SHE: variants seen among roughly 807,000 people sequenced by gnomAD.
The protein encoded by SHE is Src homology 2 domain containing E.
A neutral mutation model predicts 49.8 loss-of-function variants in SHE; 11 were observed. The ratio of observed to expected loss-of-function variants is 0.22; its 90% confidence interval spans 0.14 to 0.37. SHE has a LOEUF of 0.37. SHE is among the 10% of genes least tolerant of loss of function. SHE has a pLI of 1.00. For missense variants in SHE, 624 were observed against 655.5 expected, an observed-to-expected ratio of 0.95 and a Z score of 0.52; for synonymous variants, 310 against 278.1, an observed-to-expected ratio of 1.11 and a Z score of -1.14.
chr1:154,481,272 G>T lies in SHE; in HGVS notation c.*2877C>A. 2.0e-6 allele frequency: 2 copies of T among 985,386 alleles called. No homozygotes were observed. The highest frequency in any genetic ancestry group is 2.4e-6 in the Non-Finnish European group (2 of 829,932). 61.0% of individuals were successfully genotyped at this position (985,386 alleles called of 1,614,324 possible). ...TTGTCAGCTTGTGTCACAACCTCAA[G>T]AAGAAAATAGCTCACTAACGCCCCC... On this transcript the variant is annotated 3_prime_UTR_variant, in exon 6 of 6. Transcript: ENST00000304760.
chr1:154,488,086 G>A (rs564145451), intron 3 of SHE, among the ~76,000 whole-genome samples: 4 of 150,480 alleles, frequency 2.7e-5, no homozygotes, highest in Admixed American at 2.0e-4. Context: ...GGGACTACAG[G>A]TGCGTGCCAC....
chr1:154,482,703 G>C lies in SHE; in HGVS notation c.*1446C>G, dbSNP rs1318883268. The C allele has an allele frequency of 1.0e-6, 1 of 985,176 alleles. No homozygotes were observed. Among genetic ancestry groups the C allele is most frequent in the Non-Finnish European group, 1.2e-6 (1 of 829,908 alleles). The allele number at this position is 985,176 out of a possible 1,614,324, so 61.0% of individuals were successfully genotyped here. A position where few individuals can be genotyped will look rare whatever the true frequency, so the allele number is the denominator to read the frequency against. ...TGCCATTCCCATGGTTTTTTTCACAGTAAATAAACTGGTGATATAAGCTCA... is the reference window on the plus strand; with the variant it reads ...TGCCATTCCCATGGTTTTTTTCACACTAAATAAACTGGTGATATAAGCTCA... On this transcript the variant is annotated 3_prime_UTR_variant, in exon 6 of 6. Transcript: ENST00000304760.
downstream of SHE, among the ~76,000 whole-genome samples, chr1:154,478,540 G>A (rs1472682739): frequency 6.6e-6 from 1 of 151,424 alleles, no homozygotes; most frequent in East Asian, 1.9e-4. Context: ...AAGCACCCGT[G>A]TTTTTATCTG....
chr1:154,487,517 A>G (rs550304678), intron 3 of SHE, among the ~76,000 whole-genome samples: 1 of 152,112 alleles, frequency 6.6e-6, no homozygotes, highest in African/African-American at 2.4e-5. Flanking sequence ...CACCTGGCAC[A>G]GGACTGAGCA....
At chr1:154,478,228 G>T (rs959454555), downstream of SHE, among the ~76,000 whole-genome samples, 2 of 152,040 alleles carry the variant, frequency 1.3e-5, no homozygotes, top group African/African-American at 2.4e-5. Flanking sequence ...TCAAGGAGCC[G>T]GAATGAAGCG....
chr1:154,482,349 G>A lies in SHE; in HGVS notation c.*1800C>T. On this transcript the variant is annotated 3_prime_UTR_variant, in exon 6 of 6. Coordinates refer to ENST00000304760, the MANE Select transcript of SHE (RefSeq NM_001010846.3). The stretch of plus-strand genomic sequence containing the variant: ...ATTAATAAAATCATTGTGTTCCAGT[G>A]AGGAAAAGTTCCTCTTAAATTTTTA... The A allele has an allele frequency of 1.0e-6, 1 of 985,282 alleles. No individual in the cohort carries two copies. The highest frequency in any genetic ancestry group is 1.2e-6 in the Non-Finnish European group (1 of 829,910). The allele number at this position is 985,282 out of a possible 1,614,324, so 61.0% of individuals were successfully genotyped here. A position where few individuals can be genotyped will look rare whatever the true frequency, so the allele number is the denominator to read the frequency against.
chr1:154,492,230 G>A (rs1205497010), intron 2 of SHE, among the ~76,000 whole-genome samples: 1 of 151,916 alleles, frequency 6.6e-6, no homozygotes, highest in African/African-American at 2.4e-5. Context: ...AATCACCCGC[G>A]GGCTTTCACA....
downstream of SHE, among the ~76,000 whole-genome samples, chr1:154,478,946 C>G (rs1426702850): frequency 2.6e-5 from 4 of 152,208 alleles, no homozygotes; most frequent in Non-Finnish European, 5.9e-5. Context: ...TTTTTGATAG[C>G]AGACTCAACA....
At chr1:154,490,919 T>G (rs1329356457) in intron 2 of SHE, among the ~76,000 whole-genome samples, 1 of 151,474 alleles carries the variant, frequency 6.6e-6, no homozygotes, top group African/African-American at 2.4e-5. Context: ...TAAAAATAGA[T>G]GGAAAAAACC....
rs1692752126 is a variant in SHE at position 154,501,602 on chromosome 1, G to C, written c.425C>G (p.Thr142Ser). Residue 142 changes from threonine (T) to serine (S), a missense_variant, in exon 1 of 6, where the codon ACC becomes AGC. By Grantham distance (58) the Thr-to-Ser change is moderately conservative. Transcript: ENST00000304760. ...RGATKSSGCSTYINRLIKVDT... is the reference protein window; with the variant it reads ...RGATKSSGCSSYINRLIKVDT... Reference sequence around the variant, plus strand: ...CACCTTGATGAGCCTGTTGATGTAGGTGCTGCAGCCCGAGCTCTTGGTTGC... The same window carrying C: ...CACCTTGATGAGCCTGTTGATGTAGCTGCTGCAGCCCGAGCTCTTGGTTGC... The C allele has an allele frequency of 6.2e-7, 1 of 1,614,062 alleles. No homozygotes were observed. The highest frequency in any genetic ancestry group is 1.3e-5 in the African/African-American group (1 of 74,944).
chr1:154,495,950 A>T (rs1692516969), intron 2 of SHE, among the ~76,000 whole-genome samples: 1 of 152,084 alleles, frequency 6.6e-6, no homozygotes, highest in African/African-American at 2.4e-5. Context: ...TGAAACAAGT[A>T]AAAAAAACTC....
chr1:154,501,289 G>T, intron 1 of SHE, 147 bp downstream of exon 1: 2 of 749,086 alleles, frequency 2.7e-6, no homozygotes, highest in Non-Finnish European at 2.2e-6. Context: ...AATTTTAAAT[G>T]GTCAGGAATT....
In SHE at chr1:154,481,417, G is replaced by C; in HGVS notation, c.*2732C>G. ...TACTTTTAATTCTATAAAGAATATA[G>C]TATGACTTGTCACAGAGAAACAGTA... On this transcript the variant is annotated 3_prime_UTR_variant, in exon 6 of 6. Transcript: ENST00000304760. 2.0e-6 allele frequency: 2 copies of C among 985,380 alleles called. No individual in the cohort carries two copies. Among genetic ancestry groups the C allele is most frequent in the Non-Finnish European group, 2.4e-6 (2 of 829,928 alleles). The allele number at this position is 985,380 out of a possible 1,614,324, so 61.0% of individuals were successfully genotyped here.
intron 3 of SHE, among the ~76,000 whole-genome samples, chr1:154,488,358 A>G (rs570477247): frequency 3.0e-4 from 45 of 151,710 alleles, no homozygotes; most frequent in African/African-American, 1.1e-3. Flanking sequence ...TCCCAGGTTC[A>G]AGCTATTCTT....
chr1:154,501,029 A>G (rs1570866305), intron 1 of SHE, among the ~76,000 whole-genome samples: 3 of 152,206 alleles, frequency 2.0e-5, no homozygotes, highest in African/African-American at 7.2e-5. Flanking sequence ...ATGCATATCT[A>G]CACACTTGAG....
At chr1:154,496,073 G>T (rs939413549) in intron 2 of SHE, among the ~76,000 whole-genome samples, 1 of 152,142 alleles carries the variant, frequency 6.6e-6, no homozygotes, top group African/African-American at 2.4e-5. Context: ...CAAAAGCCCA[G>T]CAGCAAATCT....
At chr1:154,491,265 C>T (rs184294705) in intron 2 of SHE, among the ~76,000 whole-genome samples, 214 of 152,310 alleles carry the variant, frequency 1.4e-3, no homozygotes, top group Non-Finnish European at 2.7e-3. Flanking sequence ...ACACTGAGAA[C>T]GGCATGGGAG....
intron 4 of SHE, 77 bp from the exon 5 acceptor site, chr1:154,486,139 A>C: frequency 6.4e-7 from 1 of 1,568,888 alleles, no homozygotes; most frequent in Non-Finnish European, 8.7e-7. Context: ...TGCTCCATAA[A>C]GCGTTGTTTG....
At chr1:154,494,176 G>A (rs1692454065) in intron 2 of SHE, among the ~76,000 whole-genome samples, 1 of 152,118 alleles carries the variant, frequency 6.6e-6, no homozygotes, top group Non-Finnish European at 1.5e-5. Context: ...TCTTTGATCA[G>A]TGCTCAAGCT....
Sources: gnomAD v4.1 joint callset for allele counts (sites outside exome capture counted in the v4.1 genomes callset) on GRCh38, gnomAD v4.1.1 for gene constraint, MANE v1.5 for transcripts, NCBI Gene and HGNC (gene_info 2026-07-23, HGNC 2026-07-21) for gene names.